The following LRP1B variants were observed in gnomAD, a reference collection of about 807,000 sequenced individuals.
LRP1B encodes LDL receptor related protein 1B, also known as low-density lipoprotein receptor-related protein 1B.
A neutral mutation model predicts 556.6 loss-of-function variants in LRP1B; 217 were observed. The observed-to-expected ratio is 0.39, with a 90% CI of 0.35 to 0.44. The LOEUF is 0.44. Ranked by LOEUF, LRP1B falls within the 20% of genes least tolerant of loss-of-function variation. The pLI is 1.00. For missense variants in LRP1B, 5,053 were observed against 5,620.8 expected (o/e 0.90, Z 3.23); for synonymous variants, 2,047 against 1,865.8 (o/e 1.10, Z -2.50).
chr2:140,544,368 G>T (rs1281326595), intron 43 of LRP1B, among the ~76,000 whole-genome samples: 1 of 151,908 alleles, frequency 6.6e-6, no homozygotes, highest in Non-Finnish European at 1.5e-5. Flanking sequence ...TTGTTATACA[G>T]GTAAATTTGT....
intron 22 of LRP1B, among the ~76,000 whole-genome samples, chr2:140,905,463 A>G (rs897781015): frequency 2.6e-5 from 4 of 152,034 alleles, no homozygotes; most frequent in African/African-American, 9.7e-5. Context: ...TAAATCTTCT[A>G]CTACCCAGAA....
intron 51 of LRP1B, 86 bp from the exon 52 acceptor site, chr2:140,510,142 G>C (rs1022868161): frequency 7.0e-7 from 1 of 1,426,052 alleles, no homozygotes; most frequent in Admixed American, 2.0e-5. Context: ...AGTAAGGGGG[G>C]AAGCAGAAGA....
chr2:140,865,504 T>G (rs922948998), intron 27 of LRP1B, among the ~76,000 whole-genome samples: 1 of 152,012 alleles, frequency 6.6e-6, no homozygotes, highest in South Asian at 2.1e-4. Context: ...ATAGTCGATA[T>G]GTTCCTGCAT....
At chr2:142,060,657 A>C (rs1244185049) in intron 1 of LRP1B, among the ~76,000 whole-genome samples, 4 of 152,020 alleles carry the variant, frequency 2.6e-5, no homozygotes, top group Non-Finnish European at 5.9e-5. Context: ...GTGTTTGGAA[A>C]ATGTGAATTC....
At chr2:140,836,939 C>A (rs1691926114) in intron 31 of LRP1B, among the ~76,000 whole-genome samples, 1 of 152,122 alleles carries the variant, frequency 6.6e-6, no homozygotes, top group Non-Finnish European at 1.5e-5. Context: ...AGAGTTAAAT[C>A]CCCACATTTG....
intron 2 of LRP1B, among the ~76,000 whole-genome samples, chr2:141,726,555 A>T (rs1195918884): frequency 6.6e-6 from 1 of 152,058 alleles, no homozygotes; most frequent in African/African-American, 2.4e-5. Context: ...CATTTTAAAG[A>T]TTATTAAAAG....
chr2:141,580,597 T>C (rs1322836700), intron 2 of LRP1B, among the ~76,000 whole-genome samples: 2 of 152,150 alleles, frequency 1.3e-5, no homozygotes, highest in Non-Finnish European at 2.9e-5. Context: ...TGCCAACATA[T>C]CCTTAGATCC....
intron 35 of LRP1B, among the ~76,000 whole-genome samples, chr2:140,746,723 GATT>G (rs1688327016): frequency 6.6e-6 from 1 of 152,022 alleles, no homozygotes; most frequent in Non-Finnish European, 1.5e-5. Context: ...GTGCATTCCT[GATT>G]ATTTGTTAAA....
At chr2:140,514,631 G>A (rs1377839081) in intron 51 of LRP1B, 22 bp downstream of exon 51, 1 of 1,598,662 alleles carries the variant, frequency 6.3e-7, no homozygotes, top group East Asian at 2.2e-5. Flanking sequence ...AACTGATTGA[G>A]GACAGAAGAT....
intron 43 of LRP1B, among the ~76,000 whole-genome samples, chr2:140,569,737 T>G (rs971003227): frequency 4.6e-5 from 7 of 151,866 alleles, no homozygotes; most frequent in African/African-American, 1.7e-4. Context: ...AGCTACAGAA[T>G]AAACATTCTT....
intron 21 of LRP1B, among the ~76,000 whole-genome samples, chr2:140,921,594 T>G (rs1194721133): frequency 6.6e-6 from 1 of 151,982 alleles, no homozygotes; most frequent in Non-Finnish European, 1.5e-5. Context: ...AAAAGACCAT[T>G]TCTAAACTTA....
chr2:141,980,532 G>A (rs761582673), intron 1 of LRP1B, among the ~76,000 whole-genome samples: 17 of 152,108 alleles, frequency 1.1e-4, no homozygotes, highest in Non-Finnish European at 2.1e-4. Flanking sequence ...GCCTGTATCT[G>A]ACATTCAGTG....
At chr2:141,662,938 C>T (rs968994192) in intron 2 of LRP1B, among the ~76,000 whole-genome samples, 1 of 150,532 alleles carries the variant, frequency 6.6e-6, no homozygotes, top group Admixed American at 6.7e-5. Context: ...GTAAAACACT[C>T]TTCAGCAAAT....
At chr2:141,427,663 A>C (rs1340339496) in intron 3 of LRP1B, among the ~76,000 whole-genome samples, 3 of 152,146 alleles carry the variant, frequency 2.0e-5, no homozygotes, top group Admixed American at 1.3e-4. Context: ...ATTTTCAAGT[A>C]CTGGGTTTTT....
chr2:141,046,937 T>G (rs1698888228), intron 11 of LRP1B, among the ~76,000 whole-genome samples: 1 of 142,094 alleles, frequency 7.0e-6, no homozygotes, highest in African/African-American at 2.6e-5. Context: ...CAAAAATTAG[T>G]CAGGCATGAT....
intron 66 of LRP1B, among the ~76,000 whole-genome samples, chr2:140,413,679 T>C (rs935843999): frequency 6.6e-6 from 1 of 152,198 alleles, no homozygotes; most frequent in Non-Finnish European, 1.5e-5. Context: ...CCAGGAACCA[T>C]CTAGCTATCA....
At chr2:141,859,619 T>C (rs1698175798) in intron 1 of LRP1B, among the ~76,000 whole-genome samples, 1 of 152,212 alleles carries the variant, frequency 6.6e-6, no homozygotes, top group Non-Finnish European at 1.5e-5. Context: ...TAATGCACTG[T>C]ATATTTCAAA....
chr2:141,932,546 G>C lies in LRP1B; in HGVS notation c.83-122145C>G, dbSNP rs915367341. On this transcript the variant is annotated intron_variant, in intron 1 of 90. Transcript: ENST00000389484. ...CATACATAAAATATTTCTTAGCAAA[G>C]CCATGTAATGCTTGTGTAAGTGCAT... 1.2e-4 allele frequency among the ~76,000 whole-genome samples: 19 copies of C among 152,018 alleles called. 1 individual carries two copies. In the South Asian group the frequency reaches 3.9e-3, roughly 31 times the overall value.
Position 140,923,122 on chromosome 2 carries a change from G to A in LRP1B, c.3162C>T (p.Asn1054=), listed in dbSNP as rs772813363. ...KEEIHSPAGC[N]GNEFQCHPDG... The stretch of plus-strand genomic sequence containing the variant: ...CAGGGTGGCACTGAAATTCATTTCC[G>A]TTACAACCAGCAGGAGAATGAATCT... Residue 1054 remains asparagine, a synonymous_variant, in exon 21 of 91, where the codon AAC becomes AAT. Coordinates refer to ENST00000389484, the MANE Select transcript of LRP1B (RefSeq NM_018557.3). 72 of 1,611,750 alleles carry A rather than the reference G, an allele frequency of 4.5e-5. No homozygotes were observed. The highest frequency in any genetic ancestry group is 8.9e-5 in the East Asian group (4 of 44,760).
Sources: gnomAD v4.1 joint callset for allele counts (sites outside exome capture counted in the v4.1 genomes callset) on GRCh38, gnomAD v4.1.1 for gene constraint, MANE v1.5 for transcripts, NCBI Gene and HGNC (gene_info 2026-07-23, HGNC 2026-07-21) for gene names.